The following SDK1 variants were observed in gnomAD, a reference collection of about 807,000 sequenced individuals.
The protein encoded by SDK1 is protein sidekick-1.
Under a neutral mutation model 245.5 loss-of-function variants are expected in SDK1, and 157 were observed. The ratio of observed to expected loss-of-function variants is 0.64; its 90% CI spans 0.56 to 0.73. The LOEUF is 0.73. Among genes scored for constraint, SDK1 ranks in the 30% least tolerant of loss-of-function variants. The probability of loss-of-function intolerance (pLI) is 0.00; values close to 1 mark genes in which losing one functional copy is unlikely to be tolerated. For synonymous variants in SDK1, 1,647 were observed against 1,278.5 expected, an observed-to-expected ratio of 1.29 and a Z score of -6.15; for missense variants, 3,583 against 3,002.3, an observed-to-expected ratio of 1.19 and a Z score of -4.52.
chr7:3,783,200 T>C (rs552819377), intron 4 of SDK1, among the ~76,000 whole-genome samples: 2 of 152,294 alleles, frequency 1.3e-5, no homozygotes, highest in East Asian at 3.9e-4. Context: ...AAATTAGTTG[T>C]AGAAGGAGTG....
intron 1 of SDK1, among the ~76,000 whole-genome samples, chr7:3,307,144 G>A (rs962063470): frequency 3.9e-5 from 6 of 152,106 alleles, no homozygotes; most frequent in Non-Finnish European, 4.4e-5. Flanking sequence ...CAAAGTAACC[G>A]AGCATTTTAA....
chr7:3,971,350 A>T (rs1782472427), intron 11 of SDK1, 116 bp from the exon 12 acceptor site: 2 of 710,032 alleles, frequency 2.8e-6, no homozygotes, highest in East Asian at 5.4e-5. Context: ...TCATTCTGCC[A>T]AGATGAGAGA....
chr7:4,193,277 A>G (rs1396820156), intron 35 of SDK1, among the ~76,000 whole-genome samples: 4 of 136,380 alleles, frequency 2.9e-5, no homozygotes, highest in Non-Finnish European at 6.1e-5. Context: ...AATTACATAT[A>G]AAATACATAT....
rs534709262 is a variant in SDK1 at position 3,962,340 on chromosome 7, T to C, written c.1235-317T>C. On this transcript the variant is annotated intron_variant, in intron 8 of 44. Transcript: ENST00000404826. ...CAGAGCAGAGAGGGCTTCATCTCCA[T>C]CTGAACCTTAACCTGACTCTCAGCT... is the stretch of plus-strand genomic sequence containing the variant. Among the ~76,000 whole-genome samples the C allele has an allele frequency of 2.0e-5, 3 of 152,284 alleles. No individual in the cohort carries two copies. In the South Asian group the frequency reaches 6.2e-4, roughly 32 times the overall value.
intron 4 of SDK1, among the ~76,000 whole-genome samples, chr7:3,750,153 C>T (rs1779734476): frequency 1.3e-5 from 2 of 152,182 alleles, no homozygotes; most frequent in South Asian, 4.1e-4. Flanking sequence ...AATTAAAAAT[C>T]ACTTCTTCGT....
chr7:4,234,233 C>T (rs1785999897), intron 41 of SDK1, among the ~76,000 whole-genome samples: 1 of 152,166 alleles, frequency 6.6e-6, no homozygotes, highest in Non-Finnish European at 1.5e-5. Context: ...GAAGGTACTG[C>T]CGATCCCAGG....
intron 1 of SDK1, among the ~76,000 whole-genome samples, chr7:3,356,101 T>C (rs538225656): frequency 2.0e-5 from 3 of 152,340 alleles, no homozygotes; most frequent in African/African-American, 7.2e-5. Context: ...AATTCCCATG[T>C]CAGCCTCATT....
intron 5 of SDK1, among the ~76,000 whole-genome samples, chr7:3,849,296 C>G (rs1780361854): frequency 6.6e-6 from 1 of 152,216 alleles, no homozygotes; most frequent in Non-Finnish European, 1.5e-5. Flanking sequence ...ATCTTCACCA[C>G]TCAGCGTTGC....
intron 21 of SDK1, among the ~76,000 whole-genome samples, chr7:4,079,036 C>G (rs1457355824): frequency 1.3e-5 from 2 of 152,216 alleles, no homozygotes; most frequent in East Asian, 3.9e-4. Flanking sequence ...ACTCTTCCCT[C>G]CATCCCTCCG....
chr7:4,017,103 A>C lies in SDK1; in HGVS notation c.2421-68A>C, dbSNP rs111626898. 2.0e-4 allele frequency: 293 copies of C among 1,464,292 alleles called. No individual in the cohort carries two copies. In the African/African-American group the frequency reaches 3.7e-3, roughly 18 times the overall value. The allele number at this position is 1,464,292 out of a possible 1,614,324, so 90.7% of individuals were successfully genotyped here. A position where few individuals can be genotyped will look rare whatever the true frequency, so the allele number is the denominator to read the frequency against. On this transcript the variant is annotated intron_variant, in intron 16 of 44. Coordinates refer to ENST00000404826, the MANE Select transcript of SDK1 (RefSeq NM_152744.4). ...CATTTCCCCCTAACCCTGCGGAATA[A>C]CTGCGGGTAAACACCGTTCCTGGGT...
At chr7:3,556,864 G>A (rs573058176) in intron 1 of SDK1, among the ~76,000 whole-genome samples, 6 of 152,100 alleles carry the variant, frequency 3.9e-5, no homozygotes, top group Admixed American at 6.5e-5. Flanking sequence ...GAAGGGATTA[G>A]TACTTACGTG....
chr7:3,750,473 C>T (rs947839390), intron 4 of SDK1, among the ~76,000 whole-genome samples: 2 of 152,098 alleles, frequency 1.3e-5, no homozygotes, highest in Non-Finnish European at 2.9e-5. Context: ...TATTTAGGAC[C>T]ATTGCAATAG....
rs560124026 is a variant in SDK1 at position 3,357,328 on chromosome 7, G to GTTTTTTTTTTTTTTTTTT, written c.298+55466_298+55483dup. On this transcript the variant is annotated intron_variant, in intron 1 of 44. Transcript: ENST00000404826. Reference sequence around the variant, plus strand: ...TTACTCTTGCTCCCCTTCTTTTAGTGTTTTTTTTTTTTTTTTTTTTTTTTT... The same window carrying GTTTTTTTTTTTTTTTTTT: ...TTACTCTTGCTCCCCTTCTTTTAGTGTTTTTTTTTTTTTTTTTTTTTTTTTTTTTTTTTTTTTTTTTTT... 4.0e-4 allele frequency among the ~76,000 whole-genome samples: 21 copies of GTTTTTTTTTTTTTTTTTT among 52,942 alleles called. 7 individuals carry two copies. Among genetic ancestry groups the GTTTTTTTTTTTTTTTTTT allele is most frequent in the East Asian group, 1.5e-3 (2 of 1,296 alleles). 34.7% of individuals were successfully genotyped at this position (52,942 alleles called of 152,430 possible). A position where few individuals can be genotyped will look rare whatever the true frequency, so the allele number is the denominator to read the frequency against.
chr7:3,612,616 G>T (rs770451088), intron 1 of SDK1, among the ~76,000 whole-genome samples: 3 of 152,058 alleles, frequency 2.0e-5, no homozygotes, highest in Non-Finnish European at 2.9e-5. Context: ...AAAACTTTTC[G>T]CTCATGGTAA....
At chr7:4,089,039 ATGGAGGTGAGACTCTCCCTCAGG>A (rs1479250394) in intron 22 of SDK1, among the ~76,000 whole-genome samples, 3 of 147,512 alleles carry the variant, frequency 2.0e-5, no homozygotes, top group African/African-American at 2.5e-5. Context: ...GGCCCCTCAG[ATGGAGGTGAGACTCTCCCTCAGG>A]TGGAGGTGAG....
At chr7:4,068,853 C>A (rs969289273) in intron 20 of SDK1, among the ~76,000 whole-genome samples, 6 of 152,012 alleles carry the variant, frequency 3.9e-5, no homozygotes, top group African/African-American at 1.5e-4. Flanking sequence ...TCCTGAAGAG[C>A]TGGGATTACA....
intron 38 of SDK1, among the ~76,000 whole-genome samples, chr7:4,214,905 C>A (rs1784707179): frequency 3.9e-5 from 6 of 152,218 alleles, no homozygotes; most frequent in Admixed American, 3.9e-4. Context: ...CCGGCTCCAG[C>A]CGGGATGAGC....
chr7:4,001,947 T>A (rs1355036398), intron 14 of SDK1, among the ~76,000 whole-genome samples: 1 of 152,248 alleles, frequency 6.6e-6, no homozygotes, highest in African/African-American at 2.4e-5. Context: ...GTCTTAGATG[T>A]GTTTCATGCC....
chr7:4,161,865 G>C lies in SDK1; in HGVS notation c.4800+9G>C. On this transcript the variant is annotated intron_variant, in intron 32 of 44. Coordinates refer to ENST00000404826, the MANE Select transcript of SDK1 (RefSeq NM_152744.4). ...TCCTGATACAGTGGCAGGTAAGAGC[G>C]CGGGGAATCACGCGCGTTTTGTCAA... 1 of 1,612,818 alleles carries C rather than the reference G, an allele frequency of 6.2e-7. No individual in the cohort carries two copies. The highest frequency in any genetic ancestry group is 8.5e-7 in the Non-Finnish European group (1 of 1,178,812).
Sources: allele counts gnomAD v4.1 joint callset (sites outside exome capture counted in the v4.1 genomes callset), GRCh38; gene constraint gnomAD v4.1.1; transcripts MANE v1.5; gene names NCBI Gene and HGNC (gene_info 2026-07-23, HGNC 2026-07-21).